DENR: variants seen among roughly 807,000 people sequenced by gnomAD.
DENR encodes density-regulated protein.
A neutral mutation model predicts 30.6 loss-of-function variants in DENR; 6 were observed. That is an observed-to-expected ratio of 0.20 (90% CI 0.11 to 0.39). The LOEUF is 0.39. DENR is among the 10% of genes least tolerant of loss of function. DENR has a pLI of 1.00. For synonymous variants in DENR, 78 were observed against 72.1 expected (o/e 1.08, Z -0.41); for missense variants, 141 against 230.9 (o/e 0.61, Z 2.52).
chr12:122,762,145 T>C (rs750846027), intron 2 of DENR, 42 bp from the exon 3 acceptor site: 40 of 1,326,362 alleles, frequency 3.0e-5, no homozygotes, highest in South Asian at 5.6e-5. Flanking sequence ...TGTGTACATA[T>C]AGGTTTAACA....
At position 122,768,942 on chromosome 12, in the gene DENR, C is replaced by T. The variant is rs770497545; in HGVS notation, c.552+21C>T. 9 of 1,606,492 alleles carry T rather than the reference C, an allele frequency of 5.6e-6. No homozygotes were observed. The Admixed American group carries it at 1.4e-4, about 24-fold the overall frequency. On this transcript the variant is annotated intron_variant, in intron 7 of 7. Coordinates refer to ENST00000280557, the MANE Select transcript of DENR (RefSeq NM_003677.5). ...CAGAGGTGAGTGCATGGAACACATA[C>T]ATCGCTAGAGATAAGTTTTTAAAGC...
chr12:122,768,792 TAAA>T lies in DENR; in HGVS notation c.424_426del (p.Lys142del), dbSNP rs1878917957. On this transcript the variant is annotated inframe_deletion, in exon 7 of 8. Coordinates refer to ENST00000280557, the MANE Select transcript of DENR (RefSeq NM_003677.5). ...TTTTTAAAAAAATAGAAATTGATCT[TAAA>T]GAAGCACAAAGATTTTTTGCTCAAA... 2 of 1,568,310 alleles carry T rather than the reference TAAA, an allele frequency of 1.3e-6. No individual in the cohort carries two copies. Among genetic ancestry groups the T allele is most frequent in the Non-Finnish European group, 8.6e-7 (1 of 1,158,030 alleles).
chr12:122,760,833 C>G (rs1365034046), intron 2 of DENR, among the ~76,000 whole-genome samples: 1 of 152,236 alleles, frequency 6.6e-6, no homozygotes, highest in Non-Finnish European at 1.5e-5. Context: ...TTAGCCTGTA[C>G]AGGCTCTAAC....
At chr12:122,763,015 C>T in intron 4 of DENR, 86 bp downstream of exon 4, 1 of 748,710 alleles carries the variant, frequency 1.3e-6, no homozygotes, top group East Asian at 2.7e-5. Flanking sequence ...GAAAGTCCTC[C>T]TTTAGTAGGA....
intron 2 of DENR, among the ~76,000 whole-genome samples, chr12:122,756,950 T>C (rs1317549709): frequency 1.3e-5 from 2 of 151,702 alleles, no homozygotes; most frequent in African/African-American, 4.8e-5. Context: ...GGAAGAGAGG[T>C]TGAAAAATAA....
intron 2 of DENR, among the ~76,000 whole-genome samples, chr12:122,756,572 A>T (rs1878555997): frequency 6.6e-6 from 1 of 152,188 alleles, no homozygotes; most frequent in African/African-American, 2.4e-5. Context: ...CCAAATGGGG[A>T]TTTGAAGGAA....
At chr12:122,767,324 AG>A (rs1878876446) in intron 5 of DENR, among the ~76,000 whole-genome samples, 163 bp from the exon 6 acceptor site, 1 of 152,260 alleles carries the variant, frequency 6.6e-6, no homozygotes, top group Admixed American at 6.5e-5. Flanking sequence ...CTAGGCACAT[AG>A]TAGGTACTTA....
At chr12:122,764,385 G>A (rs927494045) in intron 4 of DENR, among the ~76,000 whole-genome samples, 2 of 152,116 alleles carry the variant, frequency 1.3e-5, no homozygotes, top group Non-Finnish European at 2.9e-5. Flanking sequence ...GGATCACAAG[G>A]TCAGGAGATC....
chr12:122,766,832 G>C (rs1052934639), intron 5 of DENR, among the ~76,000 whole-genome samples: 4 of 152,094 alleles, frequency 2.6e-5, no homozygotes, highest in Non-Finnish European at 4.4e-5. Context: ...TAACGCAAGA[G>C]CCTCTGTAGG....
chr12:122,764,205 C>T (rs2135511535), intron 4 of DENR, among the ~76,000 whole-genome samples: 2 of 152,214 alleles, frequency 1.3e-5, no homozygotes, highest in Middle Eastern at 6.8e-3. Flanking sequence ...GCTGTTTTGG[C>T]TTTTGCTCTT....
Position 122,769,068 on chromosome 12 carries a change from T to C in DENR, c.587T>C (p.Val196Ala). 6.2e-7 allele frequency: 1 copy of C among 1,609,170 alleles called. No homozygotes were observed. Among genetic ancestry groups the C allele is most frequent in the Non-Finnish European group, 8.5e-7 (1 of 1,178,286 alleles). ...DDDSIEDLGE[V>A]KK ...GACAGCATCGAAGATCTTGGAGAAG[T>C]AAAGAAGTGAATTTGAAAATTTGTC... Residue 196 changes from valine to alanine, a missense_variant, in exon 8 of 8, where the codon GTA (valine) becomes GCA (alanine). Transcript: ENST00000280557.
At chr12:122,762,325 CT>C in intron 3 of DENR, 119 bp downstream of exon 3, 1 of 689,590 alleles carries the variant, frequency 1.5e-6, no homozygotes, top group Non-Finnish European at 2.3e-6. Flanking sequence ...AAGCTTTAAC[CT>C]TTTATAGAGA....
intron 2 of DENR, among the ~76,000 whole-genome samples, chr12:122,761,553 T>C (rs754372093): frequency 4.6e-5 from 7 of 151,472 alleles, no homozygotes; most frequent in African/African-American, 1.7e-4. Flanking sequence ...GGAACAGTGC[T>C]TCACGCCTGT....
At position 122,769,281 on chromosome 12, in the gene DENR, T is replaced by TATACACATATATGTATAC. The variant is rs1878956956; in HGVS notation, c.*207_*224dup. The TATACACATATATGTATAC allele has an allele frequency of 2.5e-6, 2 of 800,564 alleles. No homozygotes were observed. The highest frequency in any genetic ancestry group is 2.6e-5 in the African/African-American group (1 of 38,512). The allele number at this position is 800,564 out of a possible 1,614,324, so 49.6% of individuals were successfully genotyped here. A position where few individuals can be genotyped will look rare whatever the true frequency, so the allele number is the denominator to read the frequency against. ...ATACATACACATATATGTATACATA[T>TATACACATATATGTATAC]ATACACATATATGTATACATATATA... On this transcript the variant is annotated 3_prime_UTR_variant, in exon 8 of 8. Transcript: ENST00000280557.
At chr12:122,763,650 G>A (rs1486417645) in intron 4 of DENR, among the ~76,000 whole-genome samples, 1 of 152,150 alleles carries the variant, frequency 6.6e-6, no homozygotes, top group Admixed American at 6.5e-5. Flanking sequence ...GCAGTGAGCC[G>A]AGATGGCACC....
At chr12:122,754,299 G>A (rs1247360537) in intron 2 of DENR, 1 of 166,068 alleles carries the variant, frequency 6.0e-6, no homozygotes. Flanking sequence ...AGGTTGGAGT[G>A]TTGGGTGGTA....
intron 2 of DENR, among the ~76,000 whole-genome samples, chr12:122,754,873 A>G (rs1593758634): frequency 6.6e-6 from 1 of 152,216 alleles, no homozygotes; most frequent in South Asian, 2.1e-4. Flanking sequence ...TAAGCAGTAT[A>G]AAAGTGAATA....
intron 2 of DENR, among the ~76,000 whole-genome samples, chr12:122,759,083 G>T (rs1878628416): frequency 6.6e-6 from 1 of 151,914 alleles, no homozygotes; most frequent in South Asian, 2.1e-4. Flanking sequence ...GACCTCAGGT[G>T]ATCCACCACC....
chr12:122,761,023 G>A (rs1397730918), intron 2 of DENR, among the ~76,000 whole-genome samples: 1 of 152,190 alleles, frequency 6.6e-6, no homozygotes, highest in Non-Finnish European at 1.5e-5. Context: ...TGAAGCGGGA[G>A]GATTACTTGA....
Sources: allele counts gnomAD v4.1 joint callset (sites outside exome capture counted in the v4.1 genomes callset), GRCh38; gene constraint gnomAD v4.1.1; transcripts MANE v1.5; gene names NCBI Gene and HGNC (gene_info 2026-07-23, HGNC 2026-07-21).